UBE3C: variants seen among roughly 807,000 people sequenced by gnomAD.
The protein encoded by UBE3C is ubiquitin protein ligase E3C.
In UBE3C, 42 loss-of-function variants were observed where a neutral mutation model predicts 129.4. The ratio of observed to expected loss-of-function variants is 0.32; its 90% confidence interval spans 0.25 to 0.42. The LOEUF (loss-of-function observed/expected upper bound fraction) is 0.42. Among genes scored for constraint, UBE3C ranks in the 10% least tolerant of loss-of-function variants. The probability of loss-of-function intolerance (pLI) is 1.00; values close to 1 mark genes in which losing one functional copy is unlikely to be tolerated. For synonymous variants in UBE3C, 510 were observed against 492.4 expected (o/e 1.04, Z -0.47); for missense variants, 1,049 against 1,319.1 (o/e 0.80, Z 3.17).
chr7:157,208,058 T>A, intron 13 of UBE3C, 123 bp downstream of exon 13: 8 of 107,830 alleles, frequency 7.4e-5, no homozygotes, highest in East Asian at 4.6e-4. Flanking sequence ...TGCAAGACTT[T>A]TTTTTTTTTT....
intron 14 of UBE3C, chr7:157,217,188 C>G (rs1405166098): frequency 1.0e-5 from 4 of 395,052 alleles, no homozygotes; most frequent in Non-Finnish European, 1.8e-5. Context: ...TATTAATCCT[C>G]AATTTTCCTT....
chr7:157,224,387 G>T (rs1348435262), intron 16 of UBE3C, among the ~76,000 whole-genome samples: 1 of 151,872 alleles, frequency 6.6e-6, no homozygotes, highest in Non-Finnish European at 1.5e-5. Context: ...GTAGAGACGG[G>T]GTTTCGCCGT....
chr7:157,154,024 TA>T (rs1271223622), intron 1 of UBE3C, among the ~76,000 whole-genome samples: 1 of 150,560 alleles, frequency 6.6e-6, no homozygotes. Context: ...TTTTTCTGTT[TA>T]AAAAAAATGA....
At chr7:157,250,502 T>G (rs1350696885) in intron 19 of UBE3C, among the ~76,000 whole-genome samples, 1 of 152,124 alleles carries the variant, frequency 6.6e-6, no homozygotes, top group Non-Finnish European at 1.5e-5. Flanking sequence ...TTGTGTTTTT[T>G]ATAGACATGG....
At chr7:157,208,561 T>C (rs1359505082) in intron 13 of UBE3C, among the ~76,000 whole-genome samples, 1 of 152,234 alleles carries the variant, frequency 6.6e-6, no homozygotes, top group Non-Finnish European at 1.5e-5. Context: ...GAAATATAAA[T>C]ACAGTTTTTA....
chr7:157,184,139 G>A, intron 9 of UBE3C, 110 bp downstream of exon 9: 3 of 1,421,282 alleles, frequency 2.1e-6, no homozygotes, highest in Non-Finnish European at 2.8e-6. Context: ...CCCTCAAGCA[G>A]CCTTTGCAGA....
At chr7:157,251,953 G>A (rs1563075439) in intron 19 of UBE3C, among the ~76,000 whole-genome samples, 2 of 152,096 alleles carry the variant, frequency 1.3e-5, no homozygotes, top group Non-Finnish European at 2.9e-5. Flanking sequence ...GGCCAACATG[G>A]TGAAACCCTG....
At chr7:157,147,090 TG>T (rs1398504492) in intron 1 of UBE3C, among the ~76,000 whole-genome samples, 35 of 152,190 alleles carry the variant, frequency 2.3e-4, no homozygotes, top group Non-Finnish European at 2.4e-4. Flanking sequence ...GAATTTTGAT[TG>T]GGATTGTGCT....
At chr7:157,184,721 T>G (rs1159302426) in intron 9 of UBE3C, among the ~76,000 whole-genome samples, 4 of 152,220 alleles carry the variant, frequency 2.6e-5, no homozygotes, top group Admixed American at 2.6e-4. Context: ...AAGTAAATTT[T>G]TAGAATATTG....
At chr7:157,232,341 AATT>A (rs1796043277) in intron 18 of UBE3C, among the ~76,000 whole-genome samples, 1 of 151,800 alleles carries the variant, frequency 6.6e-6, no homozygotes, top group Non-Finnish European at 1.5e-5. Flanking sequence ...AGTATTCAGG[AATT>A]GTTATTAGTT....
chr7:157,251,774 G>A (rs948098613), intron 19 of UBE3C, among the ~76,000 whole-genome samples: 3 of 152,138 alleles, frequency 2.0e-5, no homozygotes, highest in Non-Finnish European at 4.4e-5. Flanking sequence ...TGATTTTTAA[G>A]TACACATAGT....
chr7:157,222,932 G>A (rs1563063014), intron 15 of UBE3C: 1 of 254,700 alleles, frequency 3.9e-6, no homozygotes, highest in Non-Finnish European at 7.7e-6. Flanking sequence ...GCCCACTGCT[G>A]GATCTGGCTG....
At chr7:157,259,623 C>G (rs548169593) in intron 22 of UBE3C, among the ~76,000 whole-genome samples, 5 of 152,164 alleles carry the variant, frequency 3.3e-5, no homozygotes, top group Non-Finnish European at 5.9e-5. Flanking sequence ...AAGCAAGACA[C>G]AAGACTACGT....
chr7:157,152,416 A>G (rs550407671), intron 1 of UBE3C, among the ~76,000 whole-genome samples: 12 of 152,264 alleles, frequency 7.9e-5, no homozygotes, highest in Admixed American at 4.6e-4. Flanking sequence ...AAGCCAGGGA[A>G]ATCAAGGGAG....
intron 14 of UBE3C, among the ~76,000 whole-genome samples, chr7:157,220,179 C>G (rs1433878824): frequency 6.6e-6 from 1 of 152,004 alleles, no homozygotes; most frequent in Non-Finnish European, 1.5e-5. Context: ...CCACTGCATT[C>G]CAGCCTGGGT....
rs905986028 is a variant in UBE3C at position 157,206,537 on chromosome 7, C to G, written c.1419-861C>G. On this transcript the variant is annotated intron_variant, in intron 11 of 22. Transcript: ENST00000348165. ...TCGGCCTCCCAGAGTGCTGGGATTA[C>G]AGGCGTGAGCCACCATACCCAGCCT... Among the ~76,000 whole-genome samples the G allele has an allele frequency of 3.3e-5, 5 of 152,120 alleles. No homozygotes were observed. The East Asian group carries it at 7.7e-4, about 24-fold the overall frequency.
chr7:157,158,368 T>C (rs765247379), intron 1 of UBE3C, among the ~76,000 whole-genome samples: 1 of 152,162 alleles, frequency 6.6e-6, no homozygotes, highest in Non-Finnish European at 1.5e-5. Flanking sequence ...CCGTAAGCCA[T>C]AGCACCCAAA....
rs994005717 is a variant in UBE3C, at chr7:157,203,335, T to A, written c.1418+1528T>A. Among the ~76,000 whole-genome samples the A allele has an allele frequency of 5.9e-5, 9 of 152,332 alleles. No homozygotes were observed. The East Asian group carries it at 1.5e-3, about 26-fold the overall frequency. ...AGAGACAAAAGACTCCTACAATGAT[T>A]TACTGTCTTGAGAAATTCTTTTCTT... is the stretch of plus-strand genomic sequence containing the variant. On this transcript the variant is annotated intron_variant, in intron 11 of 22. Transcript: ENST00000348165.
At chr7:157,175,892 G>A (rs549822995) in intron 5 of UBE3C, among the ~76,000 whole-genome samples, 2 of 152,078 alleles carry the variant, frequency 1.3e-5, no homozygotes, top group Non-Finnish European at 2.9e-5. Context: ...TAAATGGCGA[G>A]ATAGCAAATA....
Sources: allele counts gnomAD v4.1 joint callset (sites outside exome capture counted in the v4.1 genomes callset), GRCh38; gene constraint gnomAD v4.1.1; transcripts MANE v1.5; gene names NCBI Gene and HGNC (gene_info 2026-07-23, HGNC 2026-07-21).